The following TMEM121B variants were observed in gnomAD, a reference collection of about 807,000 sequenced individuals.
TMEM121B encodes transmembrane protein 121B.
In TMEM121B, 14 loss-of-function variants were observed where a neutral mutation model predicts 25.1. That is an observed-to-expected ratio of 0.56 (90% CI 0.37 to 0.87). The LOEUF (loss-of-function observed/expected upper bound fraction) is 0.87, where lower values mean the gene tolerates loss of function less well. Among genes scored for constraint, TMEM121B ranks in the 40% least tolerant of loss-of-function variants. The pLI, the probability that TMEM121B is intolerant of heterozygous loss-of-function variation, is 0.00. For missense variants in TMEM121B, 850 were observed against 854.6 expected (o/e 0.99, Z 0.07); for synonymous variants, 458 against 420.9 (o/e 1.09, Z -1.08).
In TMEM121B at chr22:17,119,858, G is replaced by T. The variant is rs747913031; in HGVS notation, c.1270C>A (p.Leu424Met). The change falls in exon 1 of 1, where the codon CTG (leucine) becomes ATG (methionine). Residue 424 changes from leucine (L) to methionine (M), a missense_variant. Coordinates refer to ENST00000331437, the MANE Select transcript of TMEM121B (RefSeq NM_031890.4). ...TAGACGGCGATAAGCAGGTAGCGCA[G>T]GTGCGCGGGCAGCGGCACGCGGCCC... ...LEGRVPLPAH[L>M]RYLLIAVYFL... The T allele has an allele frequency of 1.3e-6, 2 of 1,581,070 alleles. 1 individual carries two copies. Among genetic ancestry groups the T allele is most frequent in the South Asian group, 2.3e-5 (2 of 88,688 alleles).
In TMEM121B at chr22:17,118,363, C is replaced by G. The variant is rs2061479323; in HGVS notation, c.*1028G>C. The G allele has an allele frequency of 6.6e-6, 1 of 152,320 alleles. No individual in the cohort carries two copies. The highest frequency in any genetic ancestry group is 6.5e-5 in the Admixed American group (1 of 15,282). The allele number at this position is 152,320 out of a possible 1,614,324, so 9.4% of individuals were successfully genotyped here. A position where few individuals can be genotyped will look rare whatever the true frequency, so the allele number is the denominator to read the frequency against. ...CATCCATCCAGGAAACCCACCAAAG[C>G]TATTACTCTAAGCCCAGATCCGACC... is the stretch of plus-strand genomic sequence containing the variant. On this transcript the variant is annotated 3_prime_UTR_variant, in exon 1 of 1. Coordinates refer to ENST00000331437, the MANE Select transcript of TMEM121B (RefSeq NM_031890.4).
chr22:17,119,456 T>C lies in TMEM121B; in HGVS notation c.1672A>G (p.Ile558Val). ...TGAGCACCCCCCTCGTTCTCCGAGA[T>C]GCAGTGGCCCAGCTGGGAGCCTCCC... ...PQGGSQLGHCISENEGGAHGY... is the reference protein window; with the variant it reads ...PQGGSQLGHCVSENEGGAHGY... Residue 558 changes from isoleucine (I) to valine (V), a missense_variant, in exon 1 of 1, where the codon ATC becomes GTC. Ile to Val is a conservative substitution (Grantham distance 29). Transcript: ENST00000331437. 6.2e-7 allele frequency: 1 copy of C among 1,607,688 alleles called. No individual in the cohort carries two copies. The highest frequency in any genetic ancestry group is 8.5e-7 in the Non-Finnish European group (1 of 1,177,166).
In TMEM121B at chr22:17,119,915, C is replaced by A. The variant is rs1209479062; in HGVS notation, c.1213G>T (p.Asp405Tyr). 6.4e-7 allele frequency: 1 copy of A among 1,567,948 alleles called. No homozygotes were observed. Among genetic ancestry groups the A allele is most frequent in the Non-Finnish European group, 8.6e-7 (1 of 1,163,150 alleles). ...CFLGTCLDLL[D>Y]SFTLVELMLE... ...ATCAGCTCCACCAGCGTGAAGCTGT[C>A]GAGCAGGTCCAAGCACGTGCCCAGG... The change falls in exon 1 of 1, where the codon GAC (aspartate) becomes TAC (tyrosine). Residue 405 changes from aspartate (D) to tyrosine (Y), a missense_variant. By Grantham distance (160) the Asp-to-Tyr change is radical. Transcript: ENST00000331437.
At position 17,121,319 on chromosome 22, in the gene TMEM121B, G is replaced by T. The variant is rs1253816349; in HGVS notation, c.-192C>A. On this transcript the variant is annotated 5_prime_UTR_variant, in exon 1 of 1. Transcript: ENST00000331437. ...TGGGCGAGCCGGGCCGGGCGGCAGG[G>T]AGAGGGGGCAGGCGGTGAACCGAGC... The T allele has an allele frequency of 2.4e-6, 1 of 408,444 alleles. No individual in the cohort carries two copies. The highest frequency in any genetic ancestry group is 3.9e-6 in the Non-Finnish European group (1 of 253,814). The allele number at this position is 408,444 out of a possible 1,614,324, so 25.3% of individuals were successfully genotyped here.
In TMEM121B at chr22:17,120,929, AGCCGCCGCCCCCGCCGCGTCT is replaced by A. The variant is rs1555876290; in HGVS notation, c.178_198del (p.Arg60_Gly66del). ...TCGGCGCCCGTGCTGCTGCTCGGGG[AGCCGCCGCCCCCGCCGCGTCT>A]GCCGCCGCCTCCCCCGCGGCTGGTG... is the stretch of plus-strand genomic sequence containing the variant. On this transcript the variant is annotated inframe_deletion, in exon 1 of 1. Transcript: ENST00000331437. 10 of 1,404,794 alleles carry A rather than the reference AGCCGCCGCCCCCGCCGCGTCT, an allele frequency of 7.1e-6. No homozygotes were observed. Among genetic ancestry groups the A allele is most frequent in the East Asian group, 3.1e-5 (1 of 31,986 alleles). The allele number at this position is 1,404,794 out of a possible 1,614,324, so 87.0% of individuals were successfully genotyped here.
chr22:17,120,552 G>C lies in TMEM121B; in HGVS notation c.576C>G (p.Pro192=), dbSNP rs781488099. Residue 192 remains proline, a synonymous_variant, in exon 1 of 1, where the codon CCC becomes CCG. Transcript: ENST00000331437. ...GRRGRRRGCA[P]SPRCRWGYQA... is the part of the protein sequence containing the mutation. Reference sequence around the variant, plus strand: ...GGTAGCCCCAGCGGCACCTGGGACTGGGGGCGCAGCCGCGGCGCCGACCTC... The same window carrying C: ...GGTAGCCCCAGCGGCACCTGGGACTCGGGGCGCAGCCGCGGCGCCGACCTC... The C allele has an allele frequency of 2.0e-6, 3 of 1,513,114 alleles. No individual in the cohort carries two copies. Among genetic ancestry groups the C allele is most frequent in the Non-Finnish European group, 2.6e-6 (3 of 1,135,376 alleles). The allele number at this position is 1,513,114 out of a possible 1,614,324, so 93.7% of individuals were successfully genotyped here.
In TMEM121B at chr22:17,121,160, GT is replaced by G. The variant is rs2061498448; in HGVS notation, c.-34del. 1 of 1,274,778 alleles carries G rather than the reference GT, an allele frequency of 7.8e-7. No homozygotes were observed. Among genetic ancestry groups the G allele is most frequent in the African/African-American group, 1.6e-5 (1 of 64,274 alleles). The allele number at this position is 1,274,778 out of a possible 1,614,324, so 79.0% of individuals were successfully genotyped here. The stretch of plus-strand genomic sequence containing the variant: ...CGAGGGGCTCTGGGGCCGCCCAGCT[GT>G]TCCCTCCCCGCCAACCCCGGGCGGG... On this transcript the variant is annotated 5_prime_UTR_variant, in exon 1 of 1. Transcript: ENST00000331437.
rs1486853381 is a variant in TMEM121B at position 17,118,613 on chromosome 22, G to A, written c.*778C>T. 6.5e-6 allele frequency: 1 copy of A among 152,694 alleles called. No individual in the cohort carries two copies. Among genetic ancestry groups the A allele is most frequent in the Non-Finnish European group, 1.5e-5 (1 of 68,064 alleles). 9.5% of individuals were successfully genotyped at this position (152,694 alleles called of 1,614,324 possible). On this transcript the variant is annotated 3_prime_UTR_variant, in exon 1 of 1. Transcript: ENST00000331437. ...AACAAAAGTTGAAAGCACGGAGGTA[G>A]AAATGCTCACTCACCCAAGAAAGGG...
rs1203242383 is a variant in TMEM121B, at chr22:17,120,650, T to C, written c.478A>G (p.Thr160Ala). ...CAGGAGGCGCCGCTGCCGGTCCCGG[T>C]GCCGCCCGCGCCCCCCGCCGAGCGG... Reference protein sequence around the residue: ...GSRSAGGAGGTGTGSGASCCP... With the variant: ...GSRSAGGAGGAGTGSGASCCP... The change falls in exon 1 of 1, where the codon ACC (threonine) becomes GCC (alanine). Residue 160 changes from threonine (T) to alanine (A), a missense_variant. Thr to Ala is a moderately conservative substitution (Grantham distance 58, BLOSUM62 0). Transcript: ENST00000331437. 57 of 1,175,492 alleles carry C rather than the reference T, an allele frequency of 4.8e-5. No homozygotes were observed. Among genetic ancestry groups the C allele is most frequent in the Non-Finnish European group, 5.9e-5 (56 of 954,816 alleles). The allele number at this position is 1,175,492 out of a possible 1,614,324, so 72.8% of individuals were successfully genotyped here. A position where few individuals can be genotyped will look rare whatever the true frequency, so the allele number is the denominator to read the frequency against.
chr22:17,121,353 G>C lies in TMEM121B; in HGVS notation c.-226C>G. ...CAGGCGGTGAACCGAGCGGACCGCG[G>C]TGAAGACAGGCGAGGCGGGGGCGGG... On this transcript the variant is annotated 5_prime_UTR_variant, in exon 1 of 1. Transcript: ENST00000331437. 5.6e-6 allele frequency: 1 copy of C among 178,710 alleles called. No homozygotes were observed. The highest frequency in any genetic ancestry group is 1.1e-5 in the Non-Finnish European group (1 of 87,456). 11.1% of individuals were successfully genotyped at this position (178,710 alleles called of 1,614,324 possible). A position where few individuals can be genotyped will look rare whatever the true frequency, so the allele number is the denominator to read the frequency against.
In TMEM121B at chr22:17,120,014, C is replaced by T; in HGVS notation, c.1114G>A (p.Glu372Lys). 24 of 1,606,346 alleles carry T rather than the reference C, an allele frequency of 1.5e-5. No homozygotes were observed. Among genetic ancestry groups the T allele is most frequent in the Non-Finnish European group, 2.0e-5 (24 of 1,179,008 alleles). Residue 372 changes from glutamate (E) to lysine (K), a missense_variant, in exon 1 of 1, where the codon GAG becomes AAG. Coordinates refer to ENST00000331437, the MANE Select transcript of TMEM121B (RefSeq NM_031890.4). ...LLYSLVRAIS[E>K]AGAPPGSAGP... ...GCCGATCCCGGGGGCGCGCCCGCCT[C>T]GCTGATGGCCCGCACCAAGCTGTAG...
rs947413924 is a variant in TMEM121B at position 17,120,804 on chromosome 22, G to A, written c.324C>T (p.Pro108=). The change falls in exon 1 of 1, where the codon CCC becomes CCT. Residue 108 remains proline (P), a synonymous_variant. Transcript: ENST00000331437. ...CTGAGGAGGAGAAGGCGACAGGCGC[G>A]GGGCCGGCGGGGGCGCCCACCTGAG... ...PPAQVGAPAG[P]APVAFSSSAA... 3.2e-6 allele frequency: 4 copies of A among 1,241,896 alleles called. No homozygotes were observed. In the African/African-American group the frequency reaches 6.3e-5, roughly 19 times the overall value. The allele number at this position is 1,241,896 out of a possible 1,614,324, so 76.9% of individuals were successfully genotyped here.
rs544603727 is a variant in TMEM121B at position 17,119,134 on chromosome 22, C to T, written c.*257G>A. 6.2e-5 allele frequency: 28 copies of T among 452,396 alleles called. No individual in the cohort carries two copies. The East Asian group carries it at 1.1e-3, about 18-fold the overall frequency. The allele number at this position is 452,396 out of a possible 1,614,324, so 28.0% of individuals were successfully genotyped here. On this transcript the variant is annotated 3_prime_UTR_variant, in exon 1 of 1. Coordinates refer to ENST00000331437, the MANE Select transcript of TMEM121B (RefSeq NM_031890.4). ...GTGGGCAAAGCAAGAAGCAGAGGTACCAGCCCCTTGGAGGTCAGGATTGGG... is the reference window on the plus strand; with the variant it reads ...GTGGGCAAAGCAAGAAGCAGAGGTATCAGCCCCTTGGAGGTCAGGATTGGG...
rs757918410 is a variant in TMEM121B, at chr22:17,120,387, C to G, written c.741G>C (p.Lys247Asn). Residue 247 changes from lysine to asparagine, a missense_variant, in exon 1 of 1, where the codon AAG becomes AAC. Physicochemically the swap from Lys to Asn is moderately conservative, Grantham distance 94. Transcript: ENST00000331437. Reference sequence around the variant, plus strand: ...CGCCGCCCCGACGGCCCCGGCTGTTCTTGGCGAAGAAGATGGCCCAGCCCA... The same window carrying G: ...CGCCGCCCCGACGGCCCCGGCTGTTGTTGGCGAAGAAGATGGCCCAGCCCA... Reference protein sequence around the residue: ...VVVGWAIFFAKNSRGRRGGAA... With the variant: ...VVVGWAIFFANNSRGRRGGAA... 7 of 1,558,474 alleles carry G rather than the reference C, an allele frequency of 4.5e-6. No individual in the cohort carries two copies. The highest frequency in any genetic ancestry group is 5.2e-6 in the Non-Finnish European group (6 of 1,159,744).
At position 17,120,750 on chromosome 22, in the gene TMEM121B, G is replaced by A; in HGVS notation, c.378C>T (p.Pro126=). Reference sequence around the variant, plus strand: ...CGGCTGTCATGCTGCAGGAGGAGGTGGGCGTGGAGGTGGAGGAGGAGGTGG... The same window carrying A: ...CGGCTGTCATGCTGCAGGAGGAGGTAGGCGTGGAGGTGGAGGAGGAGGTGG... ...SAATSSSTST[P]TSSCSMTAAD... is the part of the protein sequence containing the mutation. The change falls in exon 1 of 1, where the codon CCC becomes CCT. Residue 126 remains proline (P), a synonymous_variant. Coordinates refer to ENST00000331437, the MANE Select transcript of TMEM121B (RefSeq NM_031890.4). 1.6e-6 allele frequency: 2 copies of A among 1,213,844 alleles called. No homozygotes were observed. The highest frequency in any genetic ancestry group is 2.0e-6 in the Non-Finnish European group (2 of 977,024). The allele number at this position is 1,213,844 out of a possible 1,614,324, so 75.2% of individuals were successfully genotyped here.
Position 17,121,339 on chromosome 22 carries a change from C to T in TMEM121B, c.-212G>A. 3.6e-6 allele frequency: 1 copy of T among 275,022 alleles called. No homozygotes were observed. Among genetic ancestry groups the T allele is most frequent in the Non-Finnish European group, 6.6e-6 (1 of 151,828 alleles). The allele number at this position is 275,022 out of a possible 1,614,324, so 17.0% of individuals were successfully genotyped here. A position where few individuals can be genotyped will look rare whatever the true frequency, so the allele number is the denominator to read the frequency against. On this transcript the variant is annotated 5_prime_UTR_variant, in exon 1 of 1. Transcript: ENST00000331437. ...GCAGGGAGAGGGGGCAGGCGGTGAACCGAGCGGACCGCGGTGAAGACAGGC... is the reference window on the plus strand; with the variant it reads ...GCAGGGAGAGGGGGCAGGCGGTGAATCGAGCGGACCGCGGTGAAGACAGGC...
At position 17,120,627 on chromosome 22, in the gene TMEM121B, G is replaced by A. The variant is rs751053503; in HGVS notation, c.501C>T (p.Ser167=). 2.4e-6 allele frequency: 3 copies of A among 1,258,358 alleles called. No homozygotes were observed. The South Asian group carries it at 8.0e-5, about 34-fold the overall frequency. 77.9% of individuals were successfully genotyped at this position (1,258,358 alleles called of 1,614,324 possible). ...CGCAGCAGCAGCAACACGGGCAGCA[G>A]GAGGCGCCGCTGCCGGTCCCGGTGC... ...AGGTGTGSGA[S]CCPCCCCCGC... The change falls in exon 1 of 1, where the codon TCC becomes TCT. Residue 167 remains serine, a synonymous_variant. Transcript: ENST00000331437.
Position 17,121,075 on chromosome 22 carries a change from A to G in TMEM121B, c.53T>C (p.Phe18Ser). 1.4e-6 allele frequency: 2 copies of G among 1,448,230 alleles called. No homozygotes were observed. Among genetic ancestry groups the G allele is most frequent in the East Asian group, 3.0e-5 (1 of 33,484 alleles). 89.7% of individuals were successfully genotyped at this position (1,448,230 alleles called of 1,614,324 possible). ...PRSVSSASGS[F>S]PPPPAAARLQ... Reference sequence around the variant, plus strand: ...CCGGGCGGCTGCCGGGGGCGGCGGGAAGGAACCGGACGCGGAGGAGACCGA... The same window carrying G: ...CCGGGCGGCTGCCGGGGGCGGCGGGGAGGAACCGGACGCGGAGGAGACCGA... Residue 18 changes from phenylalanine to serine, a missense_variant, in exon 1 of 1, where the codon TTC becomes TCC. Transcript: ENST00000331437.
At position 17,119,592 on chromosome 22, in the gene TMEM121B, C is replaced by T. The variant is rs763935697; in HGVS notation, c.1536G>A (p.Leu512=). 6 of 1,546,012 alleles carry T rather than the reference C, an allele frequency of 3.9e-6. No homozygotes were observed. Among genetic ancestry groups the T allele is most frequent in the Non-Finnish European group, 5.2e-6 (6 of 1,148,528 alleles). ...GGTCCCAGCAGCCCTCCAGGGCCTC[C>T]AGGCCCCGGCAGCCGAGGAAGAAGA... ...KNLFFLGCRG[L]EALEGCWDRG... is the part of the protein sequence containing the mutation. Residue 512 remains leucine (L), a synonymous_variant, in exon 1 of 1, where the codon CTG becomes CTA. Coordinates refer to ENST00000331437, the MANE Select transcript of TMEM121B (RefSeq NM_031890.4).
Sources: gnomAD v4.1 joint callset for allele counts on GRCh38, gnomAD v4.1.1 for gene constraint, MANE v1.5 for transcripts, NCBI Gene and HGNC (gene_info 2026-07-23, HGNC 2026-07-21) for gene names.